BCL2L14: variants seen among roughly 807,000 people sequenced by gnomAD.
BCL2L14 encodes the protein apoptosis facilitator Bcl-2-like protein 14.
In BCL2L14, 27 loss-of-function variants were observed where a neutral mutation model predicts 35.3. The observed-to-expected ratio is 0.76, with a 90% CI of 0.56 to 1.05. BCL2L14 has a LOEUF of 1.05. Ranked by LOEUF, BCL2L14 falls within the 50% of genes least tolerant of loss-of-function variation. BCL2L14 has a pLI of 0.00. For synonymous variants in BCL2L14, 139 were observed against 145.9 expected, an observed-to-expected ratio of 0.95 and a Z score of 0.34; for missense variants, 377 against 382.6, an observed-to-expected ratio of 0.99 and a Z score of 0.12.
At position 12,099,060 on chromosome 12, in the gene BCL2L14, C is replaced by T. The variant is rs1949376605; in HGVS notation, c.*72C>T. On this transcript the variant is annotated 3_prime_UTR_variant, in exon 6 of 6. Coordinates refer to ENST00000308721, the MANE Select transcript of BCL2L14 (RefSeq NM_138723.2). The stretch of plus-strand genomic sequence containing the variant: ...GTGCACGTTGGCCTCAGATGGACTA[C>T]AGGAGATTACAACGTACAAGGCAGA... The T allele has an allele frequency of 2.8e-6, 3 of 1,076,610 alleles. No individual in the cohort carries two copies. Among genetic ancestry groups the T allele is most frequent in the Non-Finnish European group, 4.3e-6 (3 of 693,438 alleles). The allele number at this position is 1,076,610 out of a possible 1,614,324, so 66.7% of individuals were successfully genotyped here. A position where few individuals can be genotyped will look rare whatever the true frequency, so the allele number is the denominator to read the frequency against.
chr12:12,075,234 T>C (rs1275543508), intron 1 of BCL2L14, among the ~76,000 whole-genome samples: 1 of 152,132 alleles, frequency 6.6e-6, no homozygotes, highest in Non-Finnish European at 1.5e-5. Flanking sequence ...GTGATTCTCC[T>C]GTTGCAGTCT....
upstream of BCL2L14, among the ~76,000 whole-genome samples, chr12:12,070,648 G>C (rs1029299742): frequency 4.6e-5 from 7 of 151,672 alleles, no homozygotes; most frequent in Admixed American, 3.9e-4. Context: ...CTGCACTCCA[G>C]CCTGGGCAAC....
At chr12:12,084,660 A>G (rs995664117) in intron 2 of BCL2L14, among the ~76,000 whole-genome samples, 3 of 152,100 alleles carry the variant, frequency 2.0e-5, no homozygotes, top group African/African-American at 7.2e-5. Flanking sequence ...TCTGACAAGG[A>G]TATAATCTTT....
intron 2 of BCL2L14, among the ~76,000 whole-genome samples, chr12:12,082,038 C>T (rs1948939521): frequency 6.6e-6 from 1 of 152,198 alleles, no homozygotes; most frequent in South Asian, 2.1e-4. Flanking sequence ...ATCAAGGAAA[C>T]TCCCTTTTCC....
At chr12:12,083,601 A>C (rs1024576465) in intron 2 of BCL2L14, among the ~76,000 whole-genome samples, 1 of 152,180 alleles carries the variant, frequency 6.6e-6, no homozygotes, top group African/African-American at 2.4e-5. Flanking sequence ...AAAGAGGACA[A>C]AAGTTTGGCA....
At chr12:12,089,135 G>T (rs1268431831) in intron 3 of BCL2L14, among the ~76,000 whole-genome samples, 1 of 152,232 alleles carries the variant, frequency 6.6e-6, no homozygotes, top group Admixed American at 6.5e-5. Flanking sequence ...GGGAGGCCAA[G>T]GCAGGTGGAT....
chr12:12,076,504 A>G (rs549794617), intron 1 of BCL2L14, among the ~76,000 whole-genome samples: 6 of 152,254 alleles, frequency 3.9e-5, no homozygotes, highest in African/African-American at 1.4e-4. Context: ...GCTTACATCC[A>G]GTTATGTGAG....
At chr12:12,083,624 T>TA (rs1948975977) in intron 2 of BCL2L14, among the ~76,000 whole-genome samples, 1 of 152,116 alleles carries the variant, frequency 6.6e-6, no homozygotes, top group African/African-American at 2.4e-5. Flanking sequence ...TCAGGCATGA[T>TA]ATGACAGCTC....
chr12:12,080,858 T>C (rs1948905599), intron 2 of BCL2L14, among the ~76,000 whole-genome samples: 1 of 152,128 alleles, frequency 6.6e-6, no homozygotes, highest in Admixed American at 6.6e-5. Flanking sequence ...AGACAAAATC[T>C]TCCCTCAGTT....
At chr12:12,094,332 C>T (rs1434525781) in intron 4 of BCL2L14, among the ~76,000 whole-genome samples, 1 of 152,200 alleles carries the variant, frequency 6.6e-6, no homozygotes, top group Non-Finnish European at 1.5e-5. Context: ...GCAATTCCCA[C>T]TAGACTGTGA....
Position 12,053,650 on chromosome 12 carries a change from C to T in BCL2L14, c.-272+1803C>T, listed in dbSNP as rs1267277622. Among the ~76,000 whole-genome samples the T allele has an allele frequency of 2.0e-5, 3 of 152,184 alleles. No homozygotes were observed. The East Asian group carries it at 5.8e-4, about 29-fold the overall frequency. On this transcript the variant is annotated intron_variant, in intron 2 of 3. Transcript: ENST00000461264. Reference sequence around the variant, plus strand: ...GGTTAGGCTGGTCTCGAACTTCCAACCTCAGGTACCCGCCTTGGCCTCCCA... The same window carrying T: ...GGTTAGGCTGGTCTCGAACTTCCAATCTCAGGTACCCGCCTTGGCCTCCCA...
chr12:12,079,132 C>T, intron 1 of BCL2L14, 167 bp from the exon 2 acceptor site: 2 of 625,238 alleles, frequency 3.2e-6, no homozygotes, highest in Non-Finnish European at 5.5e-6. Flanking sequence ...ATGGCCATGT[C>T]TCTCTTCCCA....
chr12:12,094,472 G>T, intron 4 of BCL2L14, 192 bp from the exon 5 acceptor site: 1 of 1,513,866 alleles, frequency 6.6e-7, no homozygotes, highest in South Asian at 1.1e-5. Context: ...CTGATGAAAT[G>T]AATTCACCGA....
In BCL2L14 at chr12:12,096,091, C is replaced by A. The variant is rs1049407737; in HGVS notation, c.945+1161C>A. 3.0e-6 allele frequency: 3 copies of A among 985,168 alleles called. No homozygotes were observed. The Admixed American group carries it at 1.8e-4, about 61-fold the overall frequency. The allele number at this position is 985,168 out of a possible 1,614,324, so 61.0% of individuals were successfully genotyped here. A position where few individuals can be genotyped will look rare whatever the true frequency, so the allele number is the denominator to read the frequency against. On this transcript the variant is annotated intron_variant, in intron 5 of 5. Coordinates refer to ENST00000308721, the MANE Select transcript of BCL2L14 (RefSeq NM_138723.2). ...CATCTGCCCCAAAGCCTCTCCTGAC[C>A]CTTCCAGCTCAAAGGCTGCACAGTC...
Position 12,073,926 on chromosome 12 carries a change from C to T in BCL2L14, c.-8+2789C>T, listed in dbSNP as rs768235887. ...TCTGACCTCACCCTGCTTGGTGGCC[C>T]GCTTTGCCTGCTTGCACGCACCTCA... On this transcript the variant is annotated intron_variant, in intron 1 of 5. Coordinates refer to ENST00000308721, the MANE Select transcript of BCL2L14 (RefSeq NM_138723.2). Among the ~76,000 whole-genome samples the T allele has an allele frequency of 4.6e-5, 7 of 152,092 alleles. 1 individual carries two copies. Among genetic ancestry groups the T allele is most frequent in the Admixed American group, 3.9e-4 (6 of 15,254 alleles).
chr12:12,061,997 C>A (rs1246639501), intron 2 of BCL2L14, among the ~76,000 whole-genome samples: 4 of 152,208 alleles, frequency 2.6e-5, no homozygotes, highest in African/African-American at 9.7e-5. Context: ...AACAACTTGA[C>A]CTTACTGTTT....
chr12:12,096,309 C>G, intron 5 of BCL2L14: 1 of 326,352 alleles, frequency 3.1e-6, no homozygotes, highest in East Asian at 1.7e-4. Context: ...ACTAATGTAG[C>G]TAAAATACCA....
chr12:12,052,824 A>G (rs141156118), intron 2 of BCL2L14, among the ~76,000 whole-genome samples: 1 of 152,166 alleles, frequency 6.6e-6, no homozygotes, highest in Non-Finnish European at 1.5e-5. Context: ...TGAACGAGAT[A>G]ATTTCTAAAG....
chr12:12,052,582 A>G (rs1456077709), intron 2 of BCL2L14, among the ~76,000 whole-genome samples: 2 of 152,230 alleles, frequency 1.3e-5, no homozygotes, highest in African/African-American at 4.8e-5. Context: ...GTAGTATTCT[A>G]TTGTGCATAT....
Sources: gnomAD v4.1 joint callset for allele counts (sites outside exome capture counted in the v4.1 genomes callset) on GRCh38, gnomAD v4.1.1 for gene constraint, MANE v1.5 for transcripts, NCBI Gene and HGNC (gene_info 2026-07-23, HGNC 2026-07-21) for gene names.